The following UBQLN4 variants were observed in gnomAD, a reference collection of about 807,000 sequenced individuals.
UBQLN4 encodes ubiquilin 4.
In UBQLN4, 11 loss-of-function variants were observed where a neutral mutation model predicts 60.4. That is an observed-to-expected ratio of 0.18 (90% CI 0.11 to 0.30). The LOEUF (loss-of-function observed/expected upper bound fraction) is 0.30. Ranked by LOEUF, UBQLN4 falls within the 10% of genes least tolerant of loss-of-function variation. UBQLN4 has a pLI of 1.00. For missense variants in UBQLN4, 417 were observed against 795.5 expected, an observed-to-expected ratio of 0.52 and a Z score of 5.72; for synonymous variants, 258 against 313.1, an observed-to-expected ratio of 0.82 and a Z score of 1.86.
At chr1:156,051,919 G>A in intron 1 of UBQLN4, 62 bp from the exon 2 acceptor site, 2 of 1,600,910 alleles carry the variant, frequency 1.2e-6, no homozygotes, top group Middle Eastern at 1.7e-4. Context: ...CAGGGACCCT[G>A]ACTCTTTTTC....
chr1:156,038,489 G>A (rs1358118099), intron 10 of UBQLN4, among the ~76,000 whole-genome samples: 2 of 151,478 alleles, frequency 1.3e-5, no homozygotes, highest in East Asian at 2.0e-4. Context: ...GCGATACCCC[G>A]AGACTAAAGA....
chr1:156,048,127 A>C lies in UBQLN4; in HGVS notation c.900+374T>G, dbSNP rs915418646. On this transcript the variant is annotated intron_variant, in intron 5 of 10. Coordinates refer to ENST00000368309, the MANE Select transcript of UBQLN4 (RefSeq NM_020131.5). The surrounding 1 kb of genome is among the most constrained non-coding windows in gnomAD (Gnocchi z 4.9). ...CTCAAAGGTGGGGACCAGGATTCTCATTATCAACAAGGTCCCCAGGTGATT... is the reference window on the plus strand; with the variant it reads ...CTCAAAGGTGGGGACCAGGATTCTCCTTATCAACAAGGTCCCCAGGTGATT... 2.0e-5 allele frequency among the ~76,000 whole-genome samples: 3 copies of C among 152,154 alleles called. No homozygotes were observed. The highest frequency in any genetic ancestry group is 7.2e-5 in the African/African-American group (3 of 41,422).
At position 156,036,218 on chromosome 1, in the gene UBQLN4, A is replaced by T; in HGVS notation, c.*760T>A. ...AGAGCTATGAGTGCTTCTGCTCCCC[A>T]CTGTTAATTCCAACTTCCAAGCCTT... On this transcript the variant is annotated 3_prime_UTR_variant, in exon 11 of 11. Coordinates refer to ENST00000368309, the MANE Select transcript of UBQLN4 (RefSeq NM_020131.5). The T allele has an allele frequency of 1.0e-6, 1 of 985,410 alleles. No homozygotes were observed. The highest frequency in any genetic ancestry group is 1.2e-6 in the Non-Finnish European group (1 of 829,904). 61.0% of individuals were successfully genotyped at this position (985,410 alleles called of 1,614,324 possible).
At chr1:156,032,678 G>A (rs140141317), downstream of UBQLN4, among the ~76,000 whole-genome samples, 1 of 152,270 alleles carries the variant, frequency 6.6e-6, no homozygotes, top group Non-Finnish European at 1.5e-5. Flanking sequence ...CTCACAGAGA[G>A]ATGGGCGCTT....
At chr1:156,038,807 T>G (rs1478218547) in intron 10 of UBQLN4, among the ~76,000 whole-genome samples, 2 of 81,560 alleles carry the variant, frequency 2.5e-5, no homozygotes, top group African/African-American at 3.5e-5. Flanking sequence ...GCACTAGGTC[T>G]TCTTCTTTTT....
chr1:156,048,958 G>T lies in UBQLN4; in HGVS notation c.742-299C>A, dbSNP rs2102753674. Reference sequence around the variant, plus strand: ...TCAGAGTGTCCAAAGAAGTGTCAGGGTGCACAAGGAAACTGAGTCAGAAGA... The same window carrying T: ...TCAGAGTGTCCAAAGAAGTGTCAGGTTGCACAAGGAAACTGAGTCAGAAGA... On this transcript the variant is annotated intron_variant, in intron 4 of 10. Transcript: ENST00000368309. The surrounding 1 kb of genome is among the most constrained non-coding windows in gnomAD (Gnocchi z 4.9). 6.6e-6 allele frequency among the ~76,000 whole-genome samples: 1 copy of T among 152,304 alleles called. No homozygotes were observed.
chr1:156,031,671 C>T (rs1683299537), downstream of UBQLN4, among the ~76,000 whole-genome samples: 1 of 151,256 alleles, frequency 6.6e-6, no homozygotes, highest in Non-Finnish European at 1.5e-5. Flanking sequence ...CTCCGCCTCC[C>T]GGGTTCAAGC....
chr1:156,034,054 G>A (rs182821163), downstream of UBQLN4, among the ~76,000 whole-genome samples: 85 of 150,908 alleles, frequency 5.6e-4, no homozygotes, highest in Non-Finnish European at 1.5e-4. Context: ...TTTCTAGTGA[G>A]AGTATCGGTC....
At chr1:156,047,623 C>T (rs748338189) in intron 5 of UBQLN4, among the ~76,000 whole-genome samples, 24 of 151,206 alleles carry the variant, frequency 1.6e-4, no homozygotes, top group African/African-American at 3.1e-4. Flanking sequence ...TGGCCAGGCG[C>T]GGTGGCTCAC....
In UBQLN4 at chr1:156,042,150, C is replaced by T. The variant is rs377702438; in HGVS notation, c.1350+3G>A. 2 of 1,605,188 alleles carry T rather than the reference C, an allele frequency of 1.2e-6. No homozygotes were observed. Among genetic ancestry groups the T allele is most frequent in the Non-Finnish European group, 1.7e-6 (2 of 1,176,802 alleles). On this transcript the variant is annotated splice_donor_region_variant and intron_variant, in intron 8 of 10. Coordinates refer to ENST00000368309, the MANE Select transcript of UBQLN4 (RefSeq NM_020131.5). ...CCTCCACCCATCTAGGCTCCTCACTCACCTGCTGCAGGAAGACTGGGAGCT... is the reference window on the plus strand; with the variant it reads ...CCTCCACCCATCTAGGCTCCTCACTTACCTGCTGCAGGAAGACTGGGAGCT...
intron 10 of UBQLN4, among the ~76,000 whole-genome samples, chr1:156,038,631 T>C (rs1683466480): frequency 6.6e-6 from 1 of 151,896 alleles, no homozygotes; most frequent in African/African-American, 2.4e-5. Context: ...CACTCCAGCA[T>C]GGGGGACAGA....
chr1:156,046,288 G>C (rs1310306213), intron 5 of UBQLN4, among the ~76,000 whole-genome samples: 1 of 142,856 alleles, frequency 7.0e-6, no homozygotes, highest in Non-Finnish European at 1.5e-5. Flanking sequence ...AGGAGTTCGA[G>C]ACCAGCCTGG....
chr1:156,040,264 C>T (rs1228800485), intron 10 of UBQLN4, among the ~76,000 whole-genome samples: 3 of 150,832 alleles, frequency 2.0e-5, no homozygotes, highest in Non-Finnish European at 3.0e-5. Flanking sequence ...GGTGTGGTGG[C>T]GCGTGCCTGT....
rs1468110715 is a variant in UBQLN4, at chr1:156,048,937, A to G, written c.742-278T>C. On this transcript the variant is annotated intron_variant, in intron 4 of 10. Coordinates refer to ENST00000368309, the MANE Select transcript of UBQLN4 (RefSeq NM_020131.5). The surrounding 1 kb of genome is among the most constrained non-coding windows in gnomAD (Gnocchi z 4.9). ...AGCAGCTTCCCTCCCTTAGGCTCAGAGTGTCCAAAGAAGTGTCAGGGTGCA... is the reference window on the plus strand; with the variant it reads ...AGCAGCTTCCCTCCCTTAGGCTCAGGGTGTCCAAAGAAGTGTCAGGGTGCA... 6.6e-6 allele frequency among the ~76,000 whole-genome samples: 1 copy of G among 152,206 alleles called. No individual in the cohort carries two copies. The highest frequency in any genetic ancestry group is 6.5e-5 in the Admixed American group (1 of 15,272).
chr1:156,037,415 G>A (rs1000905891), intron 10 of UBQLN4, among the ~76,000 whole-genome samples: 4 of 152,066 alleles, frequency 2.6e-5, no homozygotes, highest in African/African-American at 9.7e-5. Context: ...CTAACACGGC[G>A]AAACCCCATC....
At position 156,051,252 on chromosome 1, in the gene UBQLN4, A is replaced by G; in HGVS notation, c.336T>C (p.Pro112=). The stretch of plus-strand genomic sequence containing the variant: ...GCTGGGCAGGGGTGGCGGGTGAAGC[A>G]GGCGTGGTGGAGGGTGCTGAGGCAG... ...PDPASAPSTT[P]ASPATPAQPS... is the part of the protein sequence containing the mutation. Residue 112 remains proline, a synonymous_variant, in exon 3 of 11, where the codon CCT becomes CCC. Transcript: ENST00000368309. 3 of 1,588,760 alleles carry G rather than the reference A, an allele frequency of 1.9e-6. No individual in the cohort carries two copies. Among genetic ancestry groups the G allele is most frequent in the Non-Finnish European group, 2.6e-6 (3 of 1,166,612 alleles).
At chr1:156,046,762 A>G (rs1281818364) in intron 5 of UBQLN4, among the ~76,000 whole-genome samples, 1 of 151,702 alleles carries the variant, frequency 6.6e-6, no homozygotes, top group African/African-American at 2.4e-5. Flanking sequence ...GACTCGCTTG[A>G]ACCCAGGAGG....
chr1:156,036,044 T>C lies in UBQLN4; in HGVS notation c.*934A>G. 2 of 985,590 alleles carry C rather than the reference T, an allele frequency of 2.0e-6. No homozygotes were observed. Among genetic ancestry groups the C allele is most frequent in the South Asian group, 4.7e-5 (1 of 21,288 alleles). 61.1% of individuals were successfully genotyped at this position (985,590 alleles called of 1,614,324 possible). A position where few individuals can be genotyped will look rare whatever the true frequency, so the allele number is the denominator to read the frequency against. On this transcript the variant is annotated 3_prime_UTR_variant, in exon 11 of 11. Coordinates refer to ENST00000368309, the MANE Select transcript of UBQLN4 (RefSeq NM_020131.5). Reference sequence around the variant, plus strand: ...CCATGGAAATGTGTGTGTGTGTGCATATAAGCACATATGCTTGAGGAACTA... The same window carrying C: ...CCATGGAAATGTGTGTGTGTGTGCACATAAGCACATATGCTTGAGGAACTA...
chr1:156,037,620 C>A (rs1260371695), intron 10 of UBQLN4, among the ~76,000 whole-genome samples: 2 of 152,076 alleles, frequency 1.3e-5, no homozygotes, highest in African/African-American at 2.4e-5. Context: ...AAAAAACAAA[C>A]AAACAAAACT....
Sources: allele counts gnomAD v4.1 joint callset (sites outside exome capture counted in the v4.1 genomes callset), GRCh38; gene constraint gnomAD v4.1.1; non-coding constraint Gnocchi (gnomAD v3.1); transcripts MANE v1.5; gene names NCBI Gene and HGNC (gene_info 2026-07-23, HGNC 2026-07-21).